The following SNTG2 variants were observed in gnomAD, a reference collection of about 807,000 sequenced individuals.
SNTG2 encodes syntrophin gamma 2.
In SNTG2, 74 loss-of-function variants were observed where a neutral mutation model predicts 70.9. That is an observed-to-expected ratio of 1.04 (90% CI 0.86 to 1.27). SNTG2 has a LOEUF of 1.27. Among genes scored for constraint, SNTG2 ranks in the 50% most tolerant of loss-of-function variants. SNTG2 has a pLI of 0.00. For synonymous variants in SNTG2, 278 were observed against 273.8 expected, an observed-to-expected ratio of 1.02 and a Z score of -0.15; for missense variants, 717 against 690.7, an observed-to-expected ratio of 1.04 and a Z score of -0.43.
At chr2:1,113,598 A>G (rs201691759) in intron 4 of SNTG2, among the ~76,000 whole-genome samples, 1 of 66,680 alleles carries the variant, frequency 1.5e-5, no homozygotes, top group Non-Finnish European at 3.4e-5. Flanking sequence ...CCCTTACAGT[A>G]CTTTGAGGAG....
At chr2:973,528 GTA>G (rs200953670) in intron 1 of SNTG2, among the ~76,000 whole-genome samples, 1 of 133,370 alleles carries the variant, frequency 7.5e-6, no homozygotes, top group Non-Finnish European at 1.6e-5. Flanking sequence ...GTATATACAT[GTA>G]TATATATATA....
chr2:1,247,332 G>A lies in SNTG2; in HGVS notation c.894G>A (p.Val298=), dbSNP rs1442899031. ...TAATTTTCACCCCTCTGCAGGTTGT[G>A]CATATGGGGTGGGTAAATGAGAAAC... ...NKCCSPSDQV[V]HMGWVNEKLQ... Residue 298 remains valine, a synonymous_variant, in exon 12 of 17, where the codon GTG becomes GTA. Coordinates refer to ENST00000308624, the MANE Select transcript of SNTG2 (RefSeq NM_018968.4). The A allele has an allele frequency of 1.2e-6, 2 of 1,609,176 alleles. No homozygotes were observed. Among genetic ancestry groups the A allele is most frequent in the South Asian group, 2.2e-5 (2 of 90,972 alleles).
chr2:1,319,532 A>C (rs1316291523), intron 16 of SNTG2, among the ~76,000 whole-genome samples: 2 of 152,174 alleles, frequency 1.3e-5, no homozygotes, highest in African/African-American at 4.8e-5. Context: ...AGAGGGAGGA[A>C]CTTGGGTAGA....
chr2:1,148,642 A>G (rs1669257558), intron 6 of SNTG2, among the ~76,000 whole-genome samples: 1 of 152,196 alleles, frequency 6.6e-6, no homozygotes, highest in Non-Finnish European at 1.5e-5. Context: ...TGTGGTTTGG[A>G]AAGGGTTCCC....
chr2:980,180 C>T (rs543042439), intron 1 of SNTG2, among the ~76,000 whole-genome samples: 4 of 152,170 alleles, frequency 2.6e-5, no homozygotes, highest in Non-Finnish European at 5.9e-5. Context: ...TAAACAAGTG[C>T]TGTGTATTCA....
In SNTG2 at chr2:1,143,674, A is replaced by T. The variant is rs542308159; in HGVS notation, c.411+5865A>T. On this transcript the variant is annotated intron_variant, in intron 6 of 16. Coordinates refer to ENST00000308624, the MANE Select transcript of SNTG2 (RefSeq NM_018968.4). Reference sequence around the variant, plus strand: ...TACTTAAGGTCAGGAGTTCGAGGCCAGCCTGGTCAACATGGTGAAACCCCA... The same window carrying T: ...TACTTAAGGTCAGGAGTTCGAGGCCTGCCTGGTCAACATGGTGAAACCCCA... Among the ~76,000 whole-genome samples, 28 of 137,112 alleles carry T rather than the reference A, an allele frequency of 2.0e-4. 1 individual carries two copies. Among genetic ancestry groups the T allele is most frequent in the African/African-American group, 8.1e-4 (28 of 34,532 alleles). The allele number at this position is 137,112 out of a possible 152,430, so 90.0% of individuals were successfully genotyped here.
At chr2:1,219,381 A>G (rs921120481) in intron 9 of SNTG2, among the ~76,000 whole-genome samples, 7 of 152,204 alleles carry the variant, frequency 4.6e-5, no homozygotes, top group African/African-American at 1.7e-4. Flanking sequence ...AGAATGGACC[A>G]ATACAAATTG....
intron 9 of SNTG2, among the ~76,000 whole-genome samples, chr2:1,227,702 G>A (rs1418893336): frequency 2.0e-5 from 3 of 152,190 alleles, no homozygotes; most frequent in East Asian, 1.9e-4. Context: ...GGCCTGTTGC[G>A]GTCAGCCTTG....
chr2:1,259,205 C>G (rs759999971), intron 12 of SNTG2, among the ~76,000 whole-genome samples, 165 bp from the exon 13 acceptor site: 5 of 152,182 alleles, frequency 3.3e-5, no homozygotes, highest in Non-Finnish European at 1.5e-5. Context: ...GGCAACTCAT[C>G]AAAACTCACA....
chr2:1,265,951 G>A (rs893692284), intron 13 of SNTG2, among the ~76,000 whole-genome samples: 24 of 152,160 alleles, frequency 1.6e-4, no homozygotes, highest in African/African-American at 5.6e-4. Context: ...ATGTTGGGGT[G>A]CAGCGTCCCA....
At chr2:1,102,028 C>T (rs4366936) in intron 4 of SNTG2, among the ~76,000 whole-genome samples, 5,567 of 152,300 alleles carry the variant, frequency 0.037, 244 homozygotes, top group South Asian at 0.22. Context: ...ACAACTTCTA[C>T]AGATAAGACG....
intron 14 of SNTG2, among the ~76,000 whole-genome samples, chr2:1,301,438 CA>C (rs1680452047): frequency 6.6e-6 from 1 of 152,184 alleles, no homozygotes; most frequent in Non-Finnish European, 1.5e-5. Context: ...ATTATGGCCT[CA>C]AACTTCCCCA....
At chr2:1,134,981 T>C (rs535826975) in intron 4 of SNTG2, among the ~76,000 whole-genome samples, 67 of 152,262 alleles carry the variant, frequency 4.4e-4, no homozygotes, top group South Asian at 1.7e-3. Context: ...AAGCCCCTCA[T>C]TGAGACAGAC....
At chr2:1,101,634 G>C (rs1437861049) in intron 4 of SNTG2, among the ~76,000 whole-genome samples, 2 of 152,126 alleles carry the variant, frequency 1.3e-5, no homozygotes, top group Non-Finnish European at 2.9e-5. Flanking sequence ...GGACTTCGGT[G>C]CTGGAGCCCA....
chr2:1,315,148 G>A (rs563270634), intron 15 of SNTG2, among the ~76,000 whole-genome samples: 4 of 152,314 alleles, frequency 2.6e-5, no homozygotes, highest in East Asian at 1.9e-4. Flanking sequence ...CACTGTGAAC[G>A]TGGAAGAGAC....
At chr2:1,223,766 C>G (rs1407850322) in intron 9 of SNTG2, among the ~76,000 whole-genome samples, 1 of 152,212 alleles carries the variant, frequency 6.6e-6, no homozygotes, top group Non-Finnish European at 1.5e-5. Context: ...ATGACCTCAG[C>G]ACACTAACCT....
intron 11 of SNTG2, among the ~76,000 whole-genome samples, chr2:1,244,589 G>A (rs1444095341): frequency 2.0e-5 from 3 of 151,090 alleles, no homozygotes; most frequent in Non-Finnish European, 4.4e-5. Flanking sequence ...CCAGCTACTC[G>A]GGAGGCTGAG....
At chr2:997,956 C>T (rs1401884975) in intron 1 of SNTG2, among the ~76,000 whole-genome samples, 1 of 152,196 alleles carries the variant, frequency 6.6e-6, no homozygotes, top group Non-Finnish European at 1.5e-5. Context: ...AGACCTCCGC[C>T]ACTCTGTCTC....
At chr2:1,316,102 G>T (rs867747349) in intron 15 of SNTG2, among the ~76,000 whole-genome samples, 163 bp from the exon 16 acceptor site, 6 of 152,268 alleles carry the variant, frequency 3.9e-5, no homozygotes, top group Admixed American at 1.3e-4. Flanking sequence ...AAAGATTGAA[G>T]AATGAGAAAG....
Sources: allele counts gnomAD v4.1 joint callset (sites outside exome capture counted in the v4.1 genomes callset), GRCh38; gene constraint gnomAD v4.1.1; transcripts MANE v1.5; gene names NCBI Gene and HGNC (gene_info 2026-07-23, HGNC 2026-07-21).